The following NRXN3 variants were observed in gnomAD, a reference collection of about 807,000 sequenced individuals.
NRXN3 encodes neurexin 3.
A neutral mutation model predicts 137.6 loss-of-function variants in NRXN3; 32 were observed. That is an observed-to-expected ratio of 0.23 (90% CI 0.18 to 0.31). The LOEUF (loss-of-function observed/expected upper bound fraction) is 0.31, where lower values mean the gene tolerates loss of function less well. NRXN3 is among the 10% of genes least tolerant of loss of function. The probability of loss-of-function intolerance (pLI) is 1.00; values close to 1 mark genes in which losing one functional copy is unlikely to be tolerated. For synonymous variants in NRXN3, 798 were observed against 784.5 expected (o/e 1.02, Z -0.29); for missense variants, 1,574 against 2,062.5 (o/e 0.76, Z 4.59).
chr14:79,267,233 C>G (rs1362206654), intron 15 of NRXN3, among the ~76,000 whole-genome samples: 1 of 152,068 alleles, frequency 6.6e-6, no homozygotes, highest in Admixed American at 6.6e-5. Context: ...TTTCTAAAAG[C>G]ATTGCTTTAA....
At chr14:78,420,935 A>C (rs879674311) in intron 4 of NRXN3, among the ~76,000 whole-genome samples, 1 of 152,204 alleles carries the variant, frequency 6.6e-6, no homozygotes, top group Non-Finnish European at 1.5e-5. Context: ...TAGGGAACTT[A>C]TGAGAGTTGG....
chr14:79,283,936 G>A (rs1598290843), intron 15 of NRXN3, among the ~76,000 whole-genome samples: 2 of 151,862 alleles, frequency 1.3e-5, no homozygotes, highest in East Asian at 1.9e-4. Context: ...AATACCAAGC[G>A]AAATTAATAC....
chr14:79,751,250 G>A (rs1387937953), intron 19 of NRXN3, among the ~76,000 whole-genome samples: 2 of 152,134 alleles, frequency 1.3e-5, no homozygotes, highest in East Asian at 3.9e-4. Context: ...ATTTCATTGA[G>A]CAGTGGTTTG....
chr14:79,358,581 A>G (rs867252629), intron 15 of NRXN3, among the ~76,000 whole-genome samples: 35 of 125,950 alleles, frequency 2.8e-4, no homozygotes, highest in South Asian at 1.5e-3. Flanking sequence ...AAAAGAAAGA[A>G]AGAGAGAAAG....
At chr14:78,339,854 G>C (rs916777323) in intron 4 of NRXN3, among the ~76,000 whole-genome samples, 1 of 152,138 alleles carries the variant, frequency 6.6e-6, no homozygotes, top group African/African-American at 2.4e-5. Flanking sequence ...GAAGAAGTAC[G>C]TCTCAGGTCA....
intron 15 of NRXN3, among the ~76,000 whole-genome samples, chr14:79,453,680 C>T (rs2096212828): frequency 6.6e-6 from 1 of 152,210 alleles, no homozygotes; most frequent in African/African-American, 2.4e-5. Flanking sequence ...ACACAAAATT[C>T]AGTGAGCTCA....
chr14:78,821,382 A>T (rs1217874876), intron 10 of NRXN3, among the ~76,000 whole-genome samples: 1 of 152,138 alleles, frequency 6.6e-6, no homozygotes, highest in Non-Finnish European at 1.5e-5. Context: ...ATTTCCTGTG[A>T]GGGGTTTTCC....
rs867493110 is a variant in NRXN3 at position 79,376,232 on chromosome 14, A to G, written c.3263-90989A>G. On this transcript the variant is annotated intron_variant, in intron 15 of 20. Coordinates refer to ENST00000335750, the MANE Select transcript of NRXN3 (RefSeq NM_001330195.2). ...TGTGTATGTATATATATATATATAT[A>G]TATATATATATATATATATATATAT... Among the ~76,000 whole-genome samples the G allele has an allele frequency of 5.6e-4, 46 of 81,990 alleles. 1 individual carries two copies. In the South Asian group the frequency reaches 6.0e-3, roughly 11 times the overall value. The allele number at this position is 81,990 out of a possible 152,430, so 53.8% of individuals were successfully genotyped here. A position where few individuals can be genotyped will look rare whatever the true frequency, so the allele number is the denominator to read the frequency against.
At chr14:79,393,015 A>AGAG in intron 15 of NRXN3, among the ~76,000 whole-genome samples, 1 of 148,646 alleles carries the variant, frequency 6.7e-6, no homozygotes. Flanking sequence ...CAGGTGCTGG[A>AGAG]GAGGATGTGG....
chr14:79,470,288 A>C (rs2153618843), intron 16 of NRXN3, among the ~76,000 whole-genome samples: 1 of 152,274 alleles, frequency 6.6e-6, no homozygotes, highest in African/African-American at 2.4e-5. Flanking sequence ...GAGATTTGGT[A>C]ATTTATAAGG....
chr14:79,100,864 G>C (rs1357650750), intron 15 of NRXN3, among the ~76,000 whole-genome samples: 1 of 152,100 alleles, frequency 6.6e-6, no homozygotes, highest in Non-Finnish European at 1.5e-5. Flanking sequence ...TTAACCCACA[G>C]GTTGTTTCTT....
At chr14:79,555,843 A>T (rs2097424127) in intron 16 of NRXN3, among the ~76,000 whole-genome samples, 1 of 152,188 alleles carries the variant, frequency 6.6e-6, no homozygotes, top group Non-Finnish European at 1.5e-5. Flanking sequence ...CTTTGTTTGC[A>T]GACCATAATT....
intron 15 of NRXN3, among the ~76,000 whole-genome samples, chr14:79,447,120 A>G (rs1056803319): frequency 5.9e-5 from 9 of 152,230 alleles, no homozygotes; most frequent in African/African-American, 2.2e-4. Context: ...TGGAGAAATA[A>G]TAGCAAGGAA....
chr14:79,245,020 T>G (rs1308798814), intron 15 of NRXN3, among the ~76,000 whole-genome samples: 1 of 152,052 alleles, frequency 6.6e-6, no homozygotes, highest in African/African-American at 2.4e-5. Flanking sequence ...GATTCTTGGG[T>G]CCCAGTCTCA....
chr14:79,541,865 T>C (rs924818703), intron 16 of NRXN3, among the ~76,000 whole-genome samples: 10 of 152,130 alleles, frequency 6.6e-5, no homozygotes, highest in Non-Finnish European at 1.2e-4. Context: ...AGAAAACCTA[T>C]TGTAGGAATT....
chr14:79,372,474 A>G (rs1277206289), intron 15 of NRXN3, among the ~76,000 whole-genome samples: 1 of 152,118 alleles, frequency 6.6e-6, no homozygotes, highest in Admixed American at 6.5e-5. Flanking sequence ...TTAATTTATT[A>G]TATTATATAA....
intron 1 of NRXN3, 68 bp downstream of exon 1, chr14:78,170,742 A>G (rs1566889886): frequency 6.6e-6 from 1 of 152,192 alleles, no homozygotes; most frequent in Admixed American, 6.5e-5. Context: ...CCGTTCTGGG[A>G]AGAGGTTGCT....
intron 2 of NRXN3, among the ~76,000 whole-genome samples, chr14:78,270,562 G>T (rs1336631533): frequency 1.3e-5 from 2 of 152,200 alleles, no homozygotes; most frequent in Non-Finnish European, 2.9e-5. Flanking sequence ...ATATTATTTG[G>T]CTGGAAATGC....
At chr14:79,434,707 C>A (rs763663906) in intron 15 of NRXN3, among the ~76,000 whole-genome samples, 4 of 152,114 alleles carry the variant, frequency 2.6e-5, no homozygotes, top group African/African-American at 4.8e-5. Context: ...TGGGGAGGGT[C>A]CCCTGTGAAA....
Sources: allele counts gnomAD v4.1 joint callset (sites outside exome capture counted in the v4.1 genomes callset), GRCh38; gene constraint gnomAD v4.1.1; transcripts MANE v1.5; gene names NCBI Gene and HGNC (gene_info 2026-07-23, HGNC 2026-07-21).